BMPER: variants seen among roughly 807,000 people sequenced by gnomAD.
The protein encoded by BMPER is BMP binding endothelial regulator.
A neutral mutation model predicts 87.3 loss-of-function variants in BMPER; 45 were observed. The observed-to-expected ratio is 0.52, with a 90% CI of 0.41 to 0.66. The LOEUF is 0.66. BMPER is among the 30% of genes least tolerant of loss of function. The pLI is 0.00. For synonymous variants in BMPER, 326 were observed against 316.2 expected (o/e 1.03, Z -0.33); for missense variants, 784 against 867.5 (o/e 0.90, Z 1.21).
chr7:33,931,556 T>C (rs1257374984), intron 2 of BMPER, among the ~76,000 whole-genome samples: 2 of 152,300 alleles, frequency 1.3e-5, no homozygotes, highest in East Asian at 1.9e-4. Context: ...GTGACCTGGG[T>C]TCAAAAGTGC....
intron 13 of BMPER, among the ~76,000 whole-genome samples, chr7:34,141,751 G>A (rs10229367): frequency 0.76 from 115,656 of 152,086 alleles, 44,416 homozygotes; most frequent in East Asian, 0.91. Context: ...AGGCTCTTTG[G>A]GTTTTACATC....
At chr7:34,129,599 AGAG>A (rs1562761947) in intron 13 of BMPER, among the ~76,000 whole-genome samples, 74 of 130,156 alleles carry the variant, frequency 5.7e-4, no homozygotes, top group Non-Finnish European at 1.0e-3. Context: ...AGAGAGAGAG[AGAG>A]AGAGAGAAAG....
intron 6 of BMPER, among the ~76,000 whole-genome samples, chr7:33,994,156 A>C (rs1175790391): frequency 1.3e-5 from 2 of 151,940 alleles, no homozygotes; most frequent in African/African-American, 2.4e-5. Flanking sequence ...ACCCAGTTCG[A>C]GCTTCCAGGC....
In BMPER at chr7:33,953,862, C is replaced by T. The variant is rs553566723; in HGVS notation, c.320-12617C>T. 2.2e-3 allele frequency among the ~76,000 whole-genome samples: 339 copies of T among 152,214 alleles called. 2 individuals carry two copies. The highest frequency in any genetic ancestry group is 4.0e-3 in the Non-Finnish European group (274 of 68,018). ...CCACTTTCTGTCTTTATGAATTTGC[C>T]TGTTCTAGGTACCGCATGTATGTGC... On this transcript the variant is annotated intron_variant, in intron 3 of 14. Coordinates refer to ENST00000649409, the MANE Select transcript of BMPER (RefSeq NM_001365308.1).
intron 6 of BMPER, among the ~76,000 whole-genome samples, chr7:33,994,532 G>A (rs2127929926): frequency 6.6e-6 from 1 of 152,298 alleles, no homozygotes; most frequent in African/African-American, 2.4e-5. Flanking sequence ...GCGCTCCCTA[G>A]TGAGATGAAC....
chr7:33,905,359 G>GAAAAAA, upstream of BMPER: 93 of 248,964 alleles, frequency 3.7e-4, no homozygotes, highest in Middle Eastern at 3.3e-3. Context: ...ACTCCCTCAG[G>GAAAAAA]AAAAAAAAAA....
chr7:34,153,291 A>G lies in BMPER; in HGVS notation c.*18A>G. 6.2e-7 allele frequency: 1 copy of G among 1,613,430 alleles called. No individual in the cohort carries two copies. The highest frequency in any genetic ancestry group is 8.5e-7 in the Non-Finnish European group (1 of 1,179,782). Reference sequence around the variant, plus strand: ...AGCGGTGACCTTTGTTTCGATCCTTAAGACTCTGAAATCTGGTGACTTTGA... The same window carrying G: ...AGCGGTGACCTTTGTTTCGATCCTTGAGACTCTGAAATCTGGTGACTTTGA... On this transcript the variant is annotated 3_prime_UTR_variant, in exon 15 of 15. Coordinates refer to ENST00000649409, the MANE Select transcript of BMPER (RefSeq NM_001365308.1).
intron 13 of BMPER, among the ~76,000 whole-genome samples, chr7:34,093,974 A>G (rs1432616374): frequency 6.6e-6 from 1 of 152,064 alleles, no homozygotes; most frequent in Non-Finnish European, 1.5e-5. Context: ...CCGTGTAGCT[A>G]ATTGAGGCAC....
chr7:33,917,193 C>T (rs953842266), intron 2 of BMPER, among the ~76,000 whole-genome samples: 4 of 152,100 alleles, frequency 2.6e-5, no homozygotes, highest in Non-Finnish European at 5.9e-5. Flanking sequence ...AAATGTCTCC[C>T]GATCCCTGGA....
chr7:34,052,139 G>A (rs573738743), intron 8 of BMPER, among the ~76,000 whole-genome samples, 169 bp downstream of exon 8: 68 of 152,280 alleles, frequency 4.5e-4, no homozygotes, highest in African/African-American at 1.6e-3. Flanking sequence ...CTTACACATA[G>A]GACCCACACT....
intron 13 of BMPER, among the ~76,000 whole-genome samples, chr7:34,114,724 A>C (rs1438999153): frequency 6.6e-6 from 1 of 152,222 alleles, no homozygotes; most frequent in East Asian, 1.9e-4. Flanking sequence ...GAGGAAGGTA[A>C]GCTTGAGCCG....
intron 13 of BMPER, among the ~76,000 whole-genome samples, chr7:34,097,247 C>T (rs1789553775): frequency 6.6e-6 from 1 of 152,206 alleles, no homozygotes; most frequent in Non-Finnish European, 1.5e-5. Flanking sequence ...ACTTCATGTT[C>T]ACAGCCATGG....
At chr7:33,957,916 C>T (rs1301048896) in intron 3 of BMPER, among the ~76,000 whole-genome samples, 1 of 152,122 alleles carries the variant, frequency 6.6e-6, no homozygotes, top group Non-Finnish European at 1.5e-5. Context: ...CAGGATAATG[C>T]ATTAGTGACA....
At chr7:33,967,229 A>T (rs1402484073) in intron 4 of BMPER, among the ~76,000 whole-genome samples, 4 of 152,220 alleles carry the variant, frequency 2.6e-5, no homozygotes, top group African/African-American at 9.6e-5. Context: ...TTTTATAAAT[A>T]ATCTGCCACA....
chr7:34,033,865 C>T (rs920102078), intron 6 of BMPER, among the ~76,000 whole-genome samples: 1 of 152,204 alleles, frequency 6.6e-6, no homozygotes, highest in Non-Finnish European at 1.5e-5. Context: ...AAACTTCTAT[C>T]CTTCTAGTTA....
intron 13 of BMPER, among the ~76,000 whole-genome samples, chr7:34,087,945 G>C (rs897658457): frequency 2.0e-5 from 3 of 152,244 alleles, no homozygotes; most frequent in Non-Finnish European, 4.4e-5. Context: ...ACAGAAATAT[G>C]ATGAGCGCTT....
At chr7:34,003,806 A>C (rs1786653589) in intron 6 of BMPER, among the ~76,000 whole-genome samples, 1 of 152,100 alleles carries the variant, frequency 6.6e-6, no homozygotes, top group Non-Finnish European at 1.5e-5. Context: ...TCTCTTGTAT[A>C]TAATGAGTTA....
chr7:34,094,980 A>T (rs1209020980), intron 13 of BMPER, among the ~76,000 whole-genome samples: 1 of 152,210 alleles, frequency 6.6e-6, no homozygotes, highest in Non-Finnish European at 1.5e-5. Flanking sequence ...GTTCGGAATA[A>T]CTTCTTCCCA....
rs115946140 is a variant in BMPER, at chr7:33,981,790, C to T, written c.576+7006C>T. 7.6e-3 allele frequency among the ~76,000 whole-genome samples: 1,152 copies of T among 152,244 alleles called. 16 individuals are homozygous for T. Among genetic ancestry groups the T allele is most frequent in the African/African-American group, 0.027 (1,104 of 41,554 alleles). On this transcript the variant is annotated intron_variant, in intron 6 of 14. Coordinates refer to ENST00000649409, the MANE Select transcript of BMPER (RefSeq NM_001365308.1). ...AGATGCACGTCATTGTGGATGAGCTCAGAAAGAAAAAGAGATTCATTTCAG... is the reference window on the plus strand; with the variant it reads ...AGATGCACGTCATTGTGGATGAGCTTAGAAAGAAAAAGAGATTCATTTCAG...
Sources: allele counts gnomAD v4.1 joint callset (sites outside exome capture counted in the v4.1 genomes callset), GRCh38; gene constraint gnomAD v4.1.1; transcripts MANE v1.5; gene names NCBI Gene and HGNC (gene_info 2026-07-23, HGNC 2026-07-21).